Variants in NEGR1 observed in about 807,000 individuals in gnomAD.
The protein encoded by NEGR1 is IgLON family member 4.
In NEGR1, 10 loss-of-function variants were observed where a neutral mutation model predicts 40.9. That is an observed-to-expected ratio of 0.24 (90% CI 0.15 to 0.42). NEGR1 has a LOEUF of 0.42. Among genes scored for constraint, NEGR1 ranks in the 10% least tolerant of loss-of-function variants. NEGR1 has a pLI of 1.00. For synonymous variants in NEGR1, 185 were observed against 166.8 expected, an observed-to-expected ratio of 1.11 and a Z score of -0.84; for missense variants, 352 against 438.9, an observed-to-expected ratio of 0.80 and a Z score of 1.77.
At chr1:72,232,387 A>C (rs2100500030) in intron 1 of NEGR1, among the ~76,000 whole-genome samples, 1 of 150,232 alleles carries the variant, frequency 6.7e-6, no homozygotes, top group Middle Eastern at 3.5e-3. Flanking sequence ...TTTGACTGGT[A>C]AGTTAATTTA....
At position 72,074,226 on chromosome 1, in the gene NEGR1, C is replaced by T. The variant is rs191959462; in HGVS notation, c.177-138915G>A. On this transcript the variant is annotated intron_variant, in intron 1 of 6. Coordinates refer to ENST00000357731, the MANE Select transcript of NEGR1 (RefSeq NM_173808.3). The stretch of plus-strand genomic sequence containing the variant: ...AGAGGAAAAAACAGACTGAAAGGGT[C>T]TGATAAACGTATGAATGACTATGTT... Among the ~76,000 whole-genome samples, 8 of 152,140 alleles carry T rather than the reference C, an allele frequency of 5.3e-5. No homozygotes were observed. In the East Asian group the frequency reaches 1.5e-3, roughly 29 times the overall value.
chr1:71,971,133 C>T (rs1164002707), intron 1 of NEGR1, among the ~76,000 whole-genome samples: 3 of 152,136 alleles, frequency 2.0e-5, no homozygotes, highest in Non-Finnish European at 4.4e-5. Context: ...AGATTCGATG[C>T]TACAAACCAA....
chr1:71,656,569 T>TAC (rs1651885149), intron 4 of NEGR1, among the ~76,000 whole-genome samples: 1 of 151,992 alleles, frequency 6.6e-6, no homozygotes, highest in Non-Finnish European at 1.5e-5. Flanking sequence ...CCCGCCACCG[T>TAC]GCCCGTCTAA....
chr1:71,675,808 T>TG (rs1281606822), intron 4 of NEGR1, among the ~76,000 whole-genome samples: 1 of 34,514 alleles, frequency 2.9e-5, no homozygotes, highest in African/African-American at 5.6e-5. Context: ...TTTTTGTTTT[T>TG]TTTTTCCTTA....
At position 72,164,601 on chromosome 1, in the gene NEGR1, T is replaced by C. The variant is rs183072401; in HGVS notation, c.176+117718A>G. Among the ~76,000 whole-genome samples the C allele has an allele frequency of 3.5e-3, 530 of 152,208 alleles. 5 individuals carry two copies. Among genetic ancestry groups the C allele is most frequent in the African/African-American group, 0.012 (510 of 41,578 alleles). ...CTAACAATTTGTACTCCTTAAATAT[T>C]TTCTTTGCTTTCAGAATTTTTACAC... is the stretch of plus-strand genomic sequence containing the variant. On this transcript the variant is annotated intron_variant, in intron 1 of 6. Coordinates refer to ENST00000357731, the MANE Select transcript of NEGR1 (RefSeq NM_173808.3).
At chr1:71,621,993 T>A (rs1272119289) in intron 4 of NEGR1, among the ~76,000 whole-genome samples, 1 of 151,882 alleles carries the variant, frequency 6.6e-6, no homozygotes, top group Non-Finnish European at 1.5e-5. Flanking sequence ...TTTGCTGATG[T>A]TAAAGCAGAA....
At chr1:71,913,526 C>T (rs542162434) in intron 2 of NEGR1, among the ~76,000 whole-genome samples, 1 of 152,284 alleles carries the variant, frequency 6.6e-6, no homozygotes, top group South Asian at 2.1e-4. Flanking sequence ...GTGACATTCC[C>T]ATGTTCTCGT....
intron 1 of NEGR1, among the ~76,000 whole-genome samples, chr1:72,212,713 G>C (rs1653655859): frequency 6.6e-6 from 1 of 151,904 alleles, no homozygotes; most frequent in African/African-American, 2.4e-5. Flanking sequence ...ATTTAGAAAA[G>C]ATCAAACAGC....
intron 1 of NEGR1, among the ~76,000 whole-genome samples, chr1:72,268,400 C>A (rs1655724180): frequency 6.6e-6 from 1 of 151,364 alleles, no homozygotes; most frequent in South Asian, 2.1e-4. Flanking sequence ...GGCCGCTGAG[C>A]TAAGAGTTAG....
chr1:72,138,693 A>C (rs1379842255), intron 1 of NEGR1, among the ~76,000 whole-genome samples: 1 of 152,056 alleles, frequency 6.6e-6, no homozygotes, highest in African/African-American at 2.4e-5. Context: ...AAACTGTTTC[A>C]CTTAGGAACA....
At chr1:72,027,564 T>TA (rs899434393) in intron 1 of NEGR1, among the ~76,000 whole-genome samples, 2 of 151,964 alleles carry the variant, frequency 1.3e-5, no homozygotes, top group Non-Finnish European at 2.9e-5. Flanking sequence ...AAATAATATA[T>TA]AAAAAATATT....
chr1:71,817,471 G>A (rs779776049), intron 2 of NEGR1, among the ~76,000 whole-genome samples: 2 of 151,954 alleles, frequency 1.3e-5, no homozygotes, highest in Admixed American at 1.3e-4. Context: ...TTTCATAGGC[G>A]CTATTCCCTA....
chr1:71,801,768 G>A lies in NEGR1; in HGVS notation c.410-25471C>T, dbSNP rs558040436. The stretch of plus-strand genomic sequence containing the variant: ...AATCAATCAGATTGCATTGCATTTC[G>A]CCCAAACACTCCAATAGTTTCTTAT... On this transcript the variant is annotated intron_variant, in intron 2 of 6. Transcript: ENST00000357731. Among the ~76,000 whole-genome samples the A allele has an allele frequency of 5.3e-5, 8 of 152,176 alleles. No individual in the cohort carries two copies. In the South Asian group the frequency reaches 8.3e-4, roughly 16 times the overall value.
chr1:72,054,318 C>G (rs1383767113), intron 1 of NEGR1, among the ~76,000 whole-genome samples: 1 of 151,176 alleles, frequency 6.6e-6, no homozygotes, highest in Non-Finnish European at 1.5e-5. Flanking sequence ...ATAGCTGTAT[C>G]TTAGCATTTT....
At chr1:72,119,844 G>C (rs1649730231) in intron 1 of NEGR1, among the ~76,000 whole-genome samples, 1 of 151,878 alleles carries the variant, frequency 6.6e-6, no homozygotes, top group South Asian at 2.1e-4. Context: ...CTTCAAAGAA[G>C]GCTTCTCATA....
chr1:71,818,072 C>T (rs1020399596), intron 2 of NEGR1, among the ~76,000 whole-genome samples: 1 of 151,954 alleles, frequency 6.6e-6, no homozygotes. Flanking sequence ...AAGAGGGGAA[C>T]ACTTATACAC....
intron 1 of NEGR1, among the ~76,000 whole-genome samples, chr1:72,173,602 C>A (rs976816886): frequency 4.6e-5 from 7 of 151,896 alleles, no homozygotes; most frequent in Non-Finnish European, 8.8e-5. Flanking sequence ...CTCCTTACAT[C>A]TTTTCATTGT....
At chr1:71,550,011 T>G (rs577713457) in intron 6 of NEGR1, among the ~76,000 whole-genome samples, 1 of 151,800 alleles carries the variant, frequency 6.6e-6, no homozygotes, top group East Asian at 2.0e-4. Flanking sequence ...TCTATACTTC[T>G]TTCCTCATTT....
intron 1 of NEGR1, among the ~76,000 whole-genome samples, chr1:72,205,942 CA>C (rs66699045): frequency 0.045 from 5,166 of 115,264 alleles, 272 homozygotes; most frequent in African/African-American, 0.15. Flanking sequence ...GACTCTGTCT[CA>C]AAAAAAAAAA....
Sources: allele counts gnomAD v4.1 joint callset (sites outside exome capture counted in the v4.1 genomes callset), GRCh38; gene constraint gnomAD v4.1.1; transcripts MANE v1.5; gene names NCBI Gene and HGNC (gene_info 2026-07-23, HGNC 2026-07-21).